The following CAAP1 variants were observed in gnomAD, a reference collection of about 807,000 sequenced individuals.
CAAP1 encodes the protein caspase activity and apoptosis inhibitor 1, also known as conserved anti-apoptotic protein.
A neutral mutation model predicts 34.0 loss-of-function variants in CAAP1; 20 were observed. The ratio of observed to expected loss-of-function variants is 0.59; its 90% CI spans 0.41 to 0.86. CAAP1 has a LOEUF of 0.86. Ranked by LOEUF, CAAP1 falls within the 40% of genes least tolerant of loss-of-function variation. The pLI is 0.00. For synonymous variants in CAAP1, 213 were observed against 166.7 expected, an observed-to-expected ratio of 1.28 and a Z score of -2.14; for missense variants, 538 against 450.5, an observed-to-expected ratio of 1.19 and a Z score of -1.76.
intron 4 of CAAP1, among the ~76,000 whole-genome samples, chr9:26,865,511 A>T (rs1000549953): frequency 2.0e-5 from 3 of 149,434 alleles, no homozygotes; most frequent in African/African-American, 7.5e-5. Flanking sequence ...GCAACAAGAG[A>T]GAAACTATGT....
chr9:26,886,049 G>A (rs1823730793), intron 3 of CAAP1, 55 bp downstream of exon 3: 2 of 811,788 alleles, frequency 2.5e-6, no homozygotes, highest in African/African-American at 1.8e-5. Context: ...CAGGATTTAT[G>A]CTGAATATAG....
At chr9:26,861,491 A>C (rs1758253455) in intron 4 of CAAP1, among the ~76,000 whole-genome samples, 1 of 152,208 alleles carries the variant, frequency 6.6e-6, no homozygotes. Context: ...CAACTGTTAA[A>C]TTTAATGAGC....
intron 2 of CAAP1, 81 bp downstream of exon 2, chr9:26,887,232 C>G: frequency 1.1e-6 from 1 of 870,068 alleles, no homozygotes; most frequent in Non-Finnish European, 1.7e-6. Context: ...ACAAACAAAA[C>G]CGCATTAAGT....
At chr9:26,869,133 G>T (rs1469461097) in intron 4 of CAAP1, among the ~76,000 whole-genome samples, 1 of 151,860 alleles carries the variant, frequency 6.6e-6, no homozygotes, top group Non-Finnish European at 1.5e-5. Context: ...CAGGTATATG[G>T]GAGTTGATAC....
chr9:26,865,211 CA>C (rs1823105649), intron 4 of CAAP1, among the ~76,000 whole-genome samples: 1 of 151,990 alleles, frequency 6.6e-6, no homozygotes, highest in African/African-American at 2.4e-5. Context: ...ATTTTTTAAG[CA>C]AAAGTAAAGA....
At chr9:26,845,242 C>G (rs1822572558) in intron 5 of CAAP1, among the ~76,000 whole-genome samples, 1 of 152,198 alleles carries the variant, frequency 6.6e-6, no homozygotes, top group African/African-American at 2.4e-5. Flanking sequence ...TTGTACACAG[C>G]AGGTGCTCAG....
At chr9:26,864,036 T>C (rs1823069088) in intron 4 of CAAP1, among the ~76,000 whole-genome samples, 1 of 152,106 alleles carries the variant, frequency 6.6e-6, no homozygotes, top group African/African-American at 2.4e-5. Flanking sequence ...AGTGCTGAGA[T>C]TACAGGTATG....
chr9:26,880,393 T>C (rs940941523), intron 4 of CAAP1: 5 of 278,402 alleles, frequency 1.8e-5, no homozygotes, highest in Middle Eastern at 3.1e-3. Flanking sequence ...CAGAAACAAC[T>C]GATTTCATGG....
intron 3 of CAAP1, among the ~76,000 whole-genome samples, 188 bp downstream of exon 3, chr9:26,885,916 G>A (rs1401203695): frequency 6.6e-6 from 1 of 151,986 alleles, no homozygotes; most frequent in African/African-American, 2.4e-5. Context: ...ACAATATATT[G>A]TCTATTCTTG....
chr9:26,852,520 A>G (rs1183966450), intron 5 of CAAP1, among the ~76,000 whole-genome samples: 1 of 152,042 alleles, frequency 6.6e-6, no homozygotes, highest in Non-Finnish European at 1.5e-5. Flanking sequence ...TAGGTTAGGG[A>G]AGGGAAGGCT....
intron 4 of CAAP1, among the ~76,000 whole-genome samples, chr9:26,861,472 TTTCAAG>T (rs2131310513): frequency 6.6e-6 from 1 of 152,308 alleles, no homozygotes; most frequent in South Asian, 2.1e-4. Context: ...TCCAATAATT[TTTCAAG>T]TTCAACTGTT....
At chr9:26,892,353 G>A (rs1262966875) in intron 1 of CAAP1, 60 bp downstream of exon 1, 3 of 1,584,692 alleles carry the variant, frequency 1.9e-6, no homozygotes, top group African/African-American at 1.3e-5. Context: ...CCCTCTGGAA[G>A]CCCGACTTCT....
chr9:26,871,935 A>AAATG (rs1298226824), intron 4 of CAAP1, among the ~76,000 whole-genome samples: 43 of 152,078 alleles, frequency 2.8e-4, no homozygotes, highest in African/African-American at 7.5e-4. Context: ...ATAAATAAAT[A>AAATG]AATAAATAAA....
rs1421960181 is a variant in CAAP1, at chr9:26,842,230, A to C, written c.*71T>G. The C allele has an allele frequency of 4.8e-6, 6 of 1,261,678 alleles. No individual in the cohort carries two copies. The highest frequency in any genetic ancestry group is 6.5e-6 in the Non-Finnish European group (6 of 919,096). The allele number at this position is 1,261,678 out of a possible 1,614,324, so 78.2% of individuals were successfully genotyped here. On this transcript the variant is annotated 3_prime_UTR_variant, in exon 6 of 6. Coordinates refer to ENST00000333916, the MANE Select transcript of CAAP1 (RefSeq NM_024828.4). Reference sequence around the variant, plus strand: ...GAAATAACATATAAGACCCCAAATAAATTTTAGATACAAAATTAAATGATG... The same window carrying C: ...GAAATAACATATAAGACCCCAAATACATTTTAGATACAAAATTAAATGATG...
chr9:26,873,005 A>T (rs1005202127), intron 4 of CAAP1, among the ~76,000 whole-genome samples: 8 of 152,300 alleles, frequency 5.3e-5, no homozygotes, highest in African/African-American at 1.4e-4. Context: ...TCATGCCTAT[A>T]ATCCTAGCAC....
At chr9:26,880,554 T>C (rs10967581) in intron 4 of CAAP1, 15,358 of 162,418 alleles carry the variant, frequency 0.095, 1,923 homozygotes, top group East Asian at 0.68. Context: ...AGCCACCATA[T>C]AGCAACCTCC....
At chr9:26,874,022 A>T (rs1056538961) in intron 4 of CAAP1, among the ~76,000 whole-genome samples, 1 of 151,982 alleles carries the variant, frequency 6.6e-6, no homozygotes, top group Admixed American at 6.6e-5. Context: ...CCTGGCTAAC[A>T]TGGTGAAACC....
chr9:26,848,318 T>C (rs1042392339), intron 5 of CAAP1, among the ~76,000 whole-genome samples: 4 of 152,074 alleles, frequency 2.6e-5, no homozygotes, highest in Non-Finnish European at 5.9e-5. Context: ...TGGAGACCAT[T>C]CTGGCTAACA....
In CAAP1 at chr9:26,841,672, G is replaced by A. The variant is rs556902348; in HGVS notation, c.*629C>T. 1 of 152,674 alleles carries A rather than the reference G, an allele frequency of 6.5e-6. No individual in the cohort carries two copies. Among genetic ancestry groups the A allele is most frequent in the South Asian group, 2.1e-4 (1 of 4,828 alleles). The allele number at this position is 152,674 out of a possible 1,614,324, so 9.5% of individuals were successfully genotyped here. ...ATGCATCCAATGGTATCAAATACCT[G>A]TTAGAATGGCGTGTCTGCTATAATT... On this transcript the variant is annotated 3_prime_UTR_variant, in exon 6 of 6. Transcript: ENST00000333916.
Sources: gnomAD v4.1 joint callset for allele counts (sites outside exome capture counted in the v4.1 genomes callset) on GRCh38, gnomAD v4.1.1 for gene constraint, MANE v1.5 for transcripts, NCBI Gene and HGNC (gene_info 2026-07-23, HGNC 2026-07-21) for gene names.